The following LRCH1 variants were observed in gnomAD, a reference collection of about 807,000 sequenced individuals.
The protein encoded by LRCH1 is leucine rich repeats and calponin homology domain containing 1.
Under a neutral mutation model 94.9 loss-of-function variants are expected in LRCH1, and 23 were observed. The ratio of observed to expected loss-of-function variants is 0.24; its 90% CI spans 0.17 to 0.34. LRCH1 has a LOEUF of 0.34. LRCH1 is among the 10% of genes least tolerant of loss of function. LRCH1 has a pLI of 1.00. For synonymous variants in LRCH1, 364 were observed against 354.9 expected (o/e 1.03, Z -0.29); for missense variants, 790 against 945.9 (o/e 0.84, Z 2.16).
intron 1 of LRCH1, among the ~76,000 whole-genome samples, chr13:46,578,867 C>G (rs1002697356): frequency 1.3e-5 from 2 of 152,044 alleles, no homozygotes; most frequent in African/African-American, 4.8e-5. Flanking sequence ...GGAAGCACTC[C>G]CTGGTTGGCG....
In LRCH1 at chr13:46,574,804, CATTT is replaced by C. The variant is rs199611907; in HGVS notation, c.307+21106_307+21109del. On this transcript the variant is annotated intron_variant, in intron 1 of 19. Coordinates refer to ENST00000389797, the MANE Select transcript of LRCH1 (RefSeq NM_001164211.2). ...CACTTGTTTACTTTCGGTTGTCTGG[CATTT>C]ATTTGTGTGTGGGGTTTTTTTTTTT... Among the ~76,000 whole-genome samples, 546 of 134,048 alleles carry C rather than the reference CATTT, an allele frequency of 4.1e-3. 10 individuals carry two copies. Among genetic ancestry groups the C allele is most frequent in the Admixed American group, 0.036 (481 of 13,520 alleles). 87.9% of individuals were successfully genotyped at this position (134,048 alleles called of 152,430 possible).
intron 1 of LRCH1, among the ~76,000 whole-genome samples, chr13:46,601,341 A>T (rs886819215): frequency 2.0e-5 from 3 of 152,250 alleles, no homozygotes; most frequent in Non-Finnish European, 4.4e-5. Context: ...CCTGAGGGGT[A>T]ACTTGCTTAG....
intron 3 of LRCH1, among the ~76,000 whole-genome samples, chr13:46,671,810 A>G (rs529428608): frequency 4.6e-5 from 7 of 152,354 alleles, no homozygotes; most frequent in East Asian, 1.9e-4. Flanking sequence ...AGAGGAAGGT[A>G]CAAAGATATC....
rs1304670185 is a variant in LRCH1 at position 46,553,486 on chromosome 13, C to A, written c.90C>A (p.His30Gln). Residue 30 changes from histidine (H) to glutamine (Q), a missense_variant, in exon 1 of 20, where the codon CAC becomes CAA. Physicochemically the swap from His to Gln is conservative, Grantham distance 24. Transcript: ENST00000389797. ...CACTTCATCATCCCCACCACCACCA[C>A]CACCACCATCAGCACCACGGAGGAA... ...LHPLHHPHHH[H>Q]HHHQHHGGTG... 1 of 1,548,694 alleles carries A rather than the reference C, an allele frequency of 6.5e-7. No individual in the cohort carries two copies. The highest frequency in any genetic ancestry group is 1.2e-5 in the South Asian group (1 of 83,936).
intron 11 of LRCH1, among the ~76,000 whole-genome samples, chr13:46,703,023 C>G (rs1593363851): frequency 6.6e-6 from 1 of 152,148 alleles, no homozygotes; most frequent in East Asian, 1.9e-4. Flanking sequence ...GTTGTTAATT[C>G]TCCCTTATGT....
downstream of LRCH1, among the ~76,000 whole-genome samples, chr13:46,749,550 C>T (rs1874041254): frequency 6.6e-6 from 1 of 152,062 alleles, no homozygotes; most frequent in South Asian, 2.1e-4. Flanking sequence ...TTGACTTAGC[C>T]ATTCCACAAT....
intron 1 of LRCH1, among the ~76,000 whole-genome samples, chr13:46,562,313 T>C (rs1186495038): frequency 1.3e-5 from 2 of 152,196 alleles, no homozygotes; most frequent in Non-Finnish European, 2.9e-5. Flanking sequence ...ACAACAGAAA[T>C]TAATTTTCCC....
chr13:46,592,265 A>G (rs1197128559), intron 1 of LRCH1, among the ~76,000 whole-genome samples: 2 of 152,298 alleles, frequency 1.3e-5, no homozygotes, highest in East Asian at 3.9e-4. Context: ...CACAGCTTAT[A>G]GGCAACAATT....
intron 2 of LRCH1, among the ~76,000 whole-genome samples, chr13:46,658,807 G>A (rs954060886): frequency 4.6e-5 from 7 of 152,136 alleles, no homozygotes; most frequent in African/African-American, 1.7e-4. Flanking sequence ...AGTTTTTAAA[G>A]TTATCTTTAA....
At chr13:46,694,159 G>A (rs1452088952) in intron 8 of LRCH1, among the ~76,000 whole-genome samples, 1 of 152,236 alleles carries the variant, frequency 6.6e-6, no homozygotes, top group Non-Finnish European at 1.5e-5. Flanking sequence ...AAAGAATTAT[G>A]TAATTTGTTA....
At chr13:46,611,569 A>G (rs889317290) in intron 1 of LRCH1, among the ~76,000 whole-genome samples, 6 of 152,348 alleles carry the variant, frequency 3.9e-5, no homozygotes, top group African/African-American at 1.4e-4. Context: ...AACAACTTGA[A>G]TATGTGAGCT....
downstream of LRCH1, among the ~76,000 whole-genome samples, chr13:46,745,585 TAAATAA>T: frequency 6.6e-6 from 1 of 152,072 alleles, no homozygotes; most frequent in African/African-American, 2.4e-5. Flanking sequence ...GGTTGCAAAG[TAAATAA>T]TCCAGGGAGG....
chr13:46,583,780 A>C (rs1297357336), intron 1 of LRCH1, among the ~76,000 whole-genome samples: 2 of 136,836 alleles, frequency 1.5e-5, no homozygotes, highest in East Asian at 4.2e-4. Flanking sequence ...TTTTTTTTTG[A>C]GACAGTGTGT....
chr13:46,691,125 C>T (rs959817797), intron 7 of LRCH1, among the ~76,000 whole-genome samples: 4 of 152,178 alleles, frequency 2.6e-5, no homozygotes, highest in African/African-American at 4.8e-5. Context: ...ACCTCAAGAA[C>T]TTAGGAGCAA....
chr13:46,573,863 TA>T (rs1307378448), intron 1 of LRCH1, among the ~76,000 whole-genome samples: 2,044 of 78,588 alleles, frequency 0.026, 92 homozygotes, highest in African/African-American at 0.12. Context: ...TATATATATA[TA>T]TATTTTTTTT....
At chr13:46,609,755 T>A (rs1213708839) in intron 1 of LRCH1, among the ~76,000 whole-genome samples, 3 of 152,250 alleles carry the variant, frequency 2.0e-5, no homozygotes, top group Non-Finnish European at 4.4e-5. Context: ...AAGTAATTTT[T>A]AAAAATTTAT....
intron 16 of LRCH1, among the ~76,000 whole-genome samples, chr13:46,722,567 G>C (rs779146691): frequency 7.2e-5 from 11 of 152,132 alleles, no homozygotes; most frequent in Non-Finnish European, 1.0e-4. Context: ...TACTATTCTT[G>C]GAAGTCGTAA....
intron 1 of LRCH1, among the ~76,000 whole-genome samples, chr13:46,590,438 C>CT (rs1462035201): frequency 1.3e-5 from 2 of 152,096 alleles, no homozygotes; most frequent in Non-Finnish European, 2.9e-5. Context: ...GGAGGTGTTG[C>CT]TTTTTTTGTG....
At chr13:46,605,450 G>T (rs1245836572) in intron 1 of LRCH1, among the ~76,000 whole-genome samples, 1 of 152,022 alleles carries the variant, frequency 6.6e-6, no homozygotes, top group Non-Finnish European at 1.5e-5. Context: ...AAAAATTCCG[G>T]ATTATTTTCT....
Sources: gnomAD v4.1 joint callset for allele counts (sites outside exome capture counted in the v4.1 genomes callset) on GRCh38, gnomAD v4.1.1 for gene constraint, MANE v1.5 for transcripts, NCBI Gene and HGNC (gene_info 2026-07-23, HGNC 2026-07-21) for gene names.